Variants in LOC128462377 observed in about 807,000 individuals in gnomAD.
the LOC128462377 span, among the ~76,000 whole-genome samples, chr16:89,319,762 C>T: frequency 6.6e-6 from 1 of 152,254 alleles, no homozygotes; most frequent in Non-Finnish European, 1.5e-5. Flanking sequence ...CTCCCAGGAC[C>T]CGCCTGCAGG....
the LOC128462377 span, among the ~76,000 whole-genome samples, chr16:89,330,730 T>A: frequency 1.5e-5 from 2 of 130,180 alleles, no homozygotes; most frequent in Non-Finnish European, 3.1e-5. Flanking sequence ...CGGCTTCACT[T>A]CCACCTCATC....
the LOC128462377 span, among the ~76,000 whole-genome samples, chr16:89,402,106 T>G: frequency 1.3e-5 from 2 of 152,184 alleles, no homozygotes; most frequent in Admixed American, 1.3e-4. Context: ...TCCATGGACC[T>G]CTTTAATGGA....
the LOC128462377 span, among the ~76,000 whole-genome samples, chr16:89,383,198 C>CAGGGAGGAAG: frequency 6.6e-6 from 1 of 152,206 alleles, no homozygotes; most frequent in Non-Finnish European, 1.5e-5. Context: ...GAGGTCACCT[C>CAGGGAGGAAG]AGGGAGGAAG....
At chr16:89,417,381 A>C in the LOC128462377 span, among the ~76,000 whole-genome samples, 1 of 152,236 alleles carries the variant, frequency 6.6e-6, no homozygotes, top group Non-Finnish European at 1.5e-5. Flanking sequence ...TTTCTCTTCA[A>C]CTGCTGTCAA....
At chr16:89,374,471 G>A in the LOC128462377 span, among the ~76,000 whole-genome samples, 7 of 152,178 alleles carry the variant, frequency 4.6e-5, no homozygotes, top group African/African-American at 9.6e-5. Flanking sequence ...ACCACTAATC[G>A]GCCCAGTACA....
chr16:89,368,236 C>A, the LOC128462377 span, among the ~76,000 whole-genome samples: 1 of 151,732 alleles, frequency 6.6e-6, no homozygotes, highest in Non-Finnish European at 1.5e-5. Flanking sequence ...TGCTCTGTTG[C>A]CCAGGCCAGA....
the LOC128462377 span, among the ~76,000 whole-genome samples, chr16:89,397,495 T>C: frequency 6.6e-6 from 1 of 152,232 alleles, no homozygotes; most frequent in African/African-American, 2.4e-5. Flanking sequence ...GTGGCGGGCC[T>C]TGCTGCTATC....
At chr16:89,354,243 CAA>C in the LOC128462377 span, among the ~76,000 whole-genome samples, 535 of 126,178 alleles carry the variant, frequency 4.2e-3, 1 homozygote, top group African/African-American at 0.014. Flanking sequence ...TGCATTCAGC[CAA>C]AAAAAAAAAA....
At chr16:89,410,579 C>A in the LOC128462377 span, among the ~76,000 whole-genome samples, 1 of 152,174 alleles carries the variant, frequency 6.6e-6, no homozygotes, top group African/African-American at 2.4e-5. Flanking sequence ...TCTGGTTCTG[C>A]CCTCCAGACA....
At chr16:89,359,550 A>G in the LOC128462377 span, among the ~76,000 whole-genome samples, 1 of 152,148 alleles carries the variant, frequency 6.6e-6, no homozygotes, top group Non-Finnish European at 1.5e-5. Context: ...TGCAGTCTTG[A>G]TTCTTCAGGC....
At chr16:89,369,260 T>C in the LOC128462377 span, among the ~76,000 whole-genome samples, 3 of 152,210 alleles carry the variant, frequency 2.0e-5, no homozygotes, top group East Asian at 1.9e-4. Context: ...TACACCTAGG[T>C]ACGCCCGAGA....
At chr16:89,322,478 C>G in the LOC128462377 span, among the ~76,000 whole-genome samples, 1 of 152,238 alleles carries the variant, frequency 6.6e-6, no homozygotes, top group African/African-American at 2.4e-5. Flanking sequence ...CAGCCCCTCC[C>G]CTCACGCAGG....
At chr16:89,324,394 G>C in the LOC128462377 span, 1 of 578,124 alleles carries the variant, frequency 1.7e-6, no homozygotes, top group East Asian at 6.7e-5. Context: ...AAAGTTCTCA[G>C]CTTCGTTAGT....
chr16:89,383,550 A>C, the LOC128462377 span, among the ~76,000 whole-genome samples: 2 of 152,248 alleles, frequency 1.3e-5, no homozygotes, highest in African/African-American at 4.8e-5. Context: ...AGAGCCATGA[A>C]GTTCCCATGG....
chr16:89,360,311 G>A, the LOC128462377 span, among the ~76,000 whole-genome samples: 35 of 150,802 alleles, frequency 2.3e-4, no homozygotes, highest in African/African-American at 6.5e-4. Context: ...TGCCCAAGCT[G>A]GCCTGAAACT....
At chr16:89,384,508 T>A in the LOC128462377 span, among the ~76,000 whole-genome samples, 1 of 149,704 alleles carries the variant, frequency 6.7e-6, no homozygotes, top group African/African-American at 2.5e-5. Flanking sequence ...TGGGACAGGA[T>A]GGGACGACAT....
the LOC128462377 span, among the ~76,000 whole-genome samples, chr16:89,402,288 G>A: frequency 6.6e-6 from 1 of 152,112 alleles, no homozygotes; most frequent in Non-Finnish European, 1.5e-5. Context: ...TAGAAAGAAC[G>A]AGGCTTGTCT....
chr16:89,361,028 C>G, the LOC128462377 span, among the ~76,000 whole-genome samples: 1 of 152,220 alleles, frequency 6.6e-6, no homozygotes, highest in African/African-American at 2.4e-5. Context: ...CGACTCCAAA[C>G]CTGGGCAGCC....
At chr16:89,393,184 T>C in the LOC128462377 span, among the ~76,000 whole-genome samples, 2 of 152,136 alleles carry the variant, frequency 1.3e-5, no homozygotes, top group African/African-American at 4.8e-5. Flanking sequence ...ACATCATAAA[T>C]ACCTTGAGAG....
Sources: gnomAD v4.1 joint callset for allele counts (sites outside exome capture counted in the v4.1 genomes callset) on GRCh38, gnomAD v4.1.1 for gene constraint, MANE v1.5 for transcripts.